The following SORCS1 variants were observed in gnomAD, a reference collection of about 807,000 sequenced individuals.
SORCS1 encodes sortilin related VPS10 domain containing receptor 1, also known as VPS10 domain-containing receptor SorCS1.
In SORCS1, 60 loss-of-function variants were observed where a neutral mutation model predicts 146.1. The observed-to-expected ratio is 0.41, with a 90% CI of 0.33 to 0.51. The LOEUF is 0.51. Among genes scored for constraint, SORCS1 ranks in the 20% least tolerant of loss-of-function variants. The pLI is 0.21. For synonymous variants in SORCS1, 637 were observed against 584.0 expected, an observed-to-expected ratio of 1.09 and a Z score of -1.31; for missense variants, 1,352 against 1,487.6, an observed-to-expected ratio of 0.91 and a Z score of 1.50.
intron 1 of SORCS1, among the ~76,000 whole-genome samples, chr10:106,988,096 C>T (rs1956566623): frequency 6.6e-6 from 1 of 152,140 alleles, no homozygotes; most frequent in Non-Finnish European, 1.5e-5. Flanking sequence ...TGCCCTGTGA[C>T]TTTTCTGTAT....
Position 106,607,377 on chromosome 10 carries a change from C to A in SORCS1, c.3034-80G>T, listed in dbSNP as rs1377268368. 13 of 1,552,000 alleles carry A rather than the reference C, an allele frequency of 8.4e-6. No individual in the cohort carries two copies. In the East Asian group the frequency reaches 2.8e-4, roughly 33 times the overall value. On this transcript the variant is annotated intron_variant, in intron 22 of 25. Transcript: ENST00000263054. ...GGGACCAAGTATTTGGTGGGGGGATCAGGGGTAGGCAGAAGACACCACAAG... is the reference window on the plus strand; with the variant it reads ...GGGACCAAGTATTTGGTGGGGGGATAAGGGGTAGGCAGAAGACACCACAAG...
At chr10:107,008,460 G>T (rs1280139123) in intron 1 of SORCS1, among the ~76,000 whole-genome samples, 2 of 152,174 alleles carry the variant, frequency 1.3e-5, no homozygotes, top group African/African-American at 2.4e-5. Context: ...TGCAGTTGTA[G>T]CATTTAAGAT....
At chr10:106,713,487 C>A (rs963357139) in intron 6 of SORCS1, among the ~76,000 whole-genome samples, 5 of 150,470 alleles carry the variant, frequency 3.3e-5, no homozygotes, top group African/African-American at 7.5e-5. Flanking sequence ...TAATAACATA[C>A]CCTTTTCATG....
chr10:106,725,858 GGGGCAGA>G (rs75129627), intron 6 of SORCS1, among the ~76,000 whole-genome samples: 62,791 of 150,066 alleles, frequency 0.42, 13,121 homozygotes, highest in South Asian at 0.46. Context: ...TTGAACCCAG[GGGGCAGA>G]GGTTGCAGTG....
At chr10:107,021,170 C>G (rs2133868696) in intron 1 of SORCS1, among the ~76,000 whole-genome samples, 1 of 152,094 alleles carries the variant, frequency 6.6e-6, no homozygotes. Flanking sequence ...AGTAGTTACA[C>G]CTGGGAAGGA....
At chr10:106,865,231 T>A (rs548794896) in intron 2 of SORCS1, among the ~76,000 whole-genome samples, 1 of 151,994 alleles carries the variant, frequency 6.6e-6, no homozygotes, top group African/African-American at 2.4e-5. Context: ...AACCCGGATC[T>A]CCAGCTACCT....
At chr10:106,692,209 T>C (rs1213205044) in intron 9 of SORCS1, among the ~76,000 whole-genome samples, 1 of 151,956 alleles carries the variant, frequency 6.6e-6, no homozygotes, top group Non-Finnish European at 1.5e-5. Flanking sequence ...GCCCAGCTAA[T>C]TTTGGGTTCT....
chr10:106,967,980 G>A (rs1271204265), intron 1 of SORCS1, among the ~76,000 whole-genome samples: 32 of 151,732 alleles, frequency 2.1e-4, no homozygotes, highest in Non-Finnish European at 3.5e-4. Flanking sequence ...CGAGGCAGGC[G>A]GATCATGAGG....
chr10:106,655,618 C>A (rs748721165), intron 17 of SORCS1, among the ~76,000 whole-genome samples: 2 of 152,090 alleles, frequency 1.3e-5, no homozygotes, highest in South Asian at 4.1e-4. Context: ...ATCCAAAGCA[C>A]GAATCCATCC....
At chr10:106,926,795 C>A (rs1424654295) in intron 2 of SORCS1, among the ~76,000 whole-genome samples, 1 of 150,260 alleles carries the variant, frequency 6.7e-6, no homozygotes, top group Non-Finnish European at 1.5e-5. Context: ...AAACCATAGC[C>A]ATTCTTCCTC....
At chr10:106,764,626 C>A (rs984373601) in intron 4 of SORCS1, among the ~76,000 whole-genome samples, 2 of 151,984 alleles carry the variant, frequency 1.3e-5, no homozygotes, top group African/African-American at 4.8e-5. Flanking sequence ...CTAGCTATGC[C>A]AAGCTTAGAG....
intron 1 of SORCS1, among the ~76,000 whole-genome samples, chr10:107,019,621 G>A (rs1020251554): frequency 6.6e-6 from 1 of 152,144 alleles, no homozygotes; most frequent in African/African-American, 2.4e-5. Flanking sequence ...CTTCTAGCAG[G>A]CAACCCATTT....
intron 15 of SORCS1, among the ~76,000 whole-genome samples, chr10:106,671,767 G>A (rs1851626079): frequency 6.6e-6 from 1 of 152,088 alleles, no homozygotes; most frequent in Non-Finnish European, 1.5e-5. Flanking sequence ...CATGAAAGAG[G>A]AGCATTGCTA....
At chr10:106,658,930 T>C (rs1284603589) in intron 17 of SORCS1, among the ~76,000 whole-genome samples, 3 of 152,130 alleles carry the variant, frequency 2.0e-5, no homozygotes, top group Non-Finnish European at 2.9e-5. Flanking sequence ...ATACCAGACT[T>C]CCAGGCTGAC....
intron 1 of SORCS1, among the ~76,000 whole-genome samples, chr10:107,007,801 T>C (rs1390684160): frequency 6.6e-6 from 1 of 151,808 alleles, no homozygotes; most frequent in Non-Finnish European, 1.5e-5. Context: ...TCCCATTGAA[T>C]ACCATGCGAG....
intron 2 of SORCS1, among the ~76,000 whole-genome samples, chr10:106,930,920 G>C (rs1449143074): frequency 5.3e-5 from 8 of 152,102 alleles, no homozygotes; most frequent in African/African-American, 1.9e-4. Context: ...AGATCTCAGG[G>C]GAGTTTTGCA....
At chr10:107,030,380 A>T (rs894819186) in intron 1 of SORCS1, among the ~76,000 whole-genome samples, 6 of 152,162 alleles carry the variant, frequency 3.9e-5, no homozygotes, top group Non-Finnish European at 5.9e-5. Flanking sequence ...ATGCAGTTAA[A>T]TATCTTGTCT....
chr10:107,004,930 A>G (rs1021822498), intron 1 of SORCS1, among the ~76,000 whole-genome samples: 12 of 152,244 alleles, frequency 7.9e-5, no homozygotes, highest in African/African-American at 2.6e-4. Flanking sequence ...TGACCCTACA[A>G]AACAAAAGCA....
chr10:107,134,413 T>C (rs946479220), intron 1 of SORCS1, among the ~76,000 whole-genome samples: 3 of 152,072 alleles, frequency 2.0e-5, no homozygotes, highest in Non-Finnish European at 2.9e-5. Context: ...CCAAGGCGGA[T>C]GGATCACGAG....
Sources: allele counts gnomAD v4.1 joint callset (sites outside exome capture counted in the v4.1 genomes callset), GRCh38; gene constraint gnomAD v4.1.1; transcripts MANE v1.5; gene names NCBI Gene and HGNC (gene_info 2026-07-23, HGNC 2026-07-21).